Variants in TACC3 observed in about 807,000 individuals in gnomAD.
TACC3 encodes transforming acidic coiled-coil containing protein 3.
A neutral mutation model predicts 86.0 loss-of-function variants in TACC3; 52 were observed. That is an observed-to-expected ratio of 0.60 (90% CI 0.48 to 0.76). The LOEUF (loss-of-function observed/expected upper bound fraction) is 0.76. TACC3 is among the 30% of genes least tolerant of loss of function. The pLI is 0.00. For synonymous variants in TACC3, 512 were observed against 430.0 expected, an observed-to-expected ratio of 1.19 and a Z score of -2.36; for missense variants, 1,120 against 1,070.4, an observed-to-expected ratio of 1.05 and a Z score of -0.65.
chr4:1,730,356 A>G (rs1717941005), intron 4 of TACC3: 1 of 222,590 alleles, frequency 4.5e-6, no homozygotes, highest in Non-Finnish European at 9.3e-6. Context: ...TTATTATTGT[A>G]GAACAAAGAT....
rs184402182 is a variant in TACC3 at position 1,737,711 on chromosome 4, G to T, written c.1941+9G>T. The T allele has an allele frequency of 6.5e-7, 1 of 1,550,060 alleles. No individual in the cohort carries two copies. The highest frequency in any genetic ancestry group is 2.0e-5 in the Admixed American group (1 of 50,968). ...AGGACCTGGATGCAGTGGTAAGGAC[G>T]CAGGTAGTAGCTATTCCACAGAACC... On this transcript the variant is annotated intron_variant, in intron 10 of 15. Transcript: ENST00000313288.
intron 13 of TACC3, 173 bp from the exon 14 acceptor site, chr4:1,744,345 G>A (rs1054185703): frequency 1.6e-6 from 1 of 622,138 alleles, no homozygotes; most frequent in African/African-American, 1.8e-5. Context: ...ACCTCCAGAG[G>A]GGGTGAGCTG....
rs1188213648 is a variant in TACC3 at position 1,723,565 on chromosome 4, C to T, written c.144C>T (p.Asn48=). ...AGAAAGAAAATGTGCCACCCAAGAA[C>T]CTGGCCAAAGCTATGAAGGTAAGTG... is the stretch of plus-strand genomic sequence containing the variant. The part of the protein sequence containing the change: ...VSQKENVPPK[N]LAKAMKVTFQ... The change falls in exon 2 of 16, where the codon AAC becomes AAT. Residue 48 remains asparagine (N), a synonymous_variant. Transcript: ENST00000313288. The T allele has an allele frequency of 6.2e-7, 1 of 1,613,434 alleles. No homozygotes were observed. The highest frequency in any genetic ancestry group is 1.7e-5 in the Admixed American group (1 of 59,988).
chr4:1,737,131 G>C (rs766677331), intron 8 of TACC3, 110 bp from the exon 9 acceptor site: 4 of 841,940 alleles, frequency 4.8e-6, no homozygotes, highest in Non-Finnish European at 7.8e-6. Context: ...TGACTTGAGT[G>C]GTTTTAAACT....
At chr4:1,740,189 G>A in intron 12 of TACC3, 187 bp downstream of exon 12, 1 of 623,126 alleles carries the variant, frequency 1.6e-6, no homozygotes. Context: ...TGGTGGTAGT[G>A]AGGCTGGTGG....
chr4:1,740,096 C>A, intron 12 of TACC3, 94 bp downstream of exon 12: 3 of 1,253,392 alleles, frequency 2.4e-6, no homozygotes, highest in South Asian at 1.3e-5. Flanking sequence ...GGACCCCACC[C>A]TCCTGAGGCC....
rs747472770 is a variant in TACC3 at position 1,744,727 on chromosome 4, C to CGCCCAGGTCCGGAGCAAG, written c.2354_2371dup (p.Val785_Gln790dup). ...ACCCCTCCAGGGCAAACGAGGAGAT[C>CGCCCAGGTCCGGAGCAAG]GCCCAGGTCCGGAGCAAGGCCCAGG... On this transcript the variant is annotated inframe_insertion, in exon 15 of 16. Transcript: ENST00000313288. 1.9e-6 allele frequency: 3 copies of CGCCCAGGTCCGGAGCAAG among 1,612,592 alleles called. No homozygotes were observed. The highest frequency in any genetic ancestry group is 1.1e-5 in the South Asian group (1 of 91,062).
chr4:1,740,217 C>T (rs1003693515), intron 12 of TACC3: 217 of 600,264 alleles, frequency 3.6e-4, no homozygotes, highest in Non-Finnish European at 5.3e-4. Flanking sequence ...GGAGCCAGGG[C>T]TTGGCAGGCC....
In TACC3 at chr4:1,735,228, G is replaced by T; in HGVS notation, c.1592-45G>T. On this transcript the variant is annotated intron_variant, in intron 6 of 15. Coordinates refer to ENST00000313288, the MANE Select transcript of TACC3 (RefSeq NM_006342.3). This position sits in a 1 kb window ranked among gnomAD's most constrained non-coding sequence, Gnocchi z 4.2. The stretch of plus-strand genomic sequence containing the variant: ...GAGACACCAGCCCGCCGCCCTTAGG[G>T]CCCTGGTGAGGGGCGATGGCGGCGG... 1 of 1,613,040 alleles carries T rather than the reference G, an allele frequency of 6.2e-7. No individual in the cohort carries two copies. The highest frequency in any genetic ancestry group is 8.5e-7 in the Non-Finnish European group (1 of 1,179,594).
Position 1,723,336 on chromosome 4 carries a change from C to T in TACC3, c.-1-85C>T. Reference sequence around the variant, plus strand: ...CACACCTGTGTGGGAAGTGGTCGTGCCCCTTGCAGCAGCTGTCACGTCTGT... The same window carrying T: ...CACACCTGTGTGGGAAGTGGTCGTGTCCCTTGCAGCAGCTGTCACGTCTGT... On this transcript the variant is annotated intron_variant, in intron 1 of 15. Coordinates refer to ENST00000313288, the MANE Select transcript of TACC3 (RefSeq NM_006342.3). 3 of 1,422,076 alleles carry T rather than the reference C, an allele frequency of 2.1e-6. 1 individual carries two copies. Among genetic ancestry groups the T allele is most frequent in the South Asian group, 2.6e-5 (2 of 77,588 alleles). The allele number at this position is 1,422,076 out of a possible 1,614,324, so 88.1% of individuals were successfully genotyped here. A position where few individuals can be genotyped will look rare whatever the true frequency, so the allele number is the denominator to read the frequency against.
At chr4:1,743,002 G>T (rs1718667673) in intron 13 of TACC3, among the ~76,000 whole-genome samples, 2 of 152,134 alleles carry the variant, frequency 1.3e-5, no homozygotes, top group African/African-American at 4.8e-5. Context: ...GCCGGCTTAT[G>T]CCTGTAATCC....
rs1577228965 is a variant in TACC3, at chr4:1,744,592, C to G, written c.2298C>G (p.Ala766=). 6.2e-7 allele frequency: 1 copy of G among 1,613,232 alleles called. No homozygotes were observed. Among genetic ancestry groups the G allele is most frequent in the Non-Finnish European group, 8.5e-7 (1 of 1,179,996 alleles). The part of the protein sequence containing the change: ...RITQEGQRYQ[A]LKAHAEEKLQ... Reference sequence around the variant, plus strand: ...CCCAGGAGGGCCAGAGGTACCAAGCCCTGAAGGCCCACGCGGAGGAGAAGC... The same window carrying G: ...CCCAGGAGGGCCAGAGGTACCAAGCGCTGAAGGCCCACGCGGAGGAGAAGC... The change falls in exon 14 of 16, where the codon GCC becomes GCG. Residue 766 remains alanine, a synonymous_variant. Transcript: ENST00000313288.
At chr4:1,732,968 G>A (rs1393304143) in intron 6 of TACC3, among the ~76,000 whole-genome samples, 2 of 152,128 alleles carry the variant, frequency 1.3e-5, no homozygotes, top group Non-Finnish European at 2.9e-5. Context: ...GAGTGGAGTC[G>A]CTGGTCACAG....
chr4:1,727,911 C>T lies in TACC3; in HGVS notation c.509C>T (p.Ser170Phe), dbSNP rs764747004. Reference sequence around the variant, plus strand: ...GGAAGTTCTGAGAACCAAATGGTGTCTCCAGGAAAAGTGTCTGGCAGCCCT... The same window carrying T: ...GGAAGTTCTGAGAACCAAATGGTGTTTCCAGGAAAAGTGTCTGGCAGCCCT... Reference protein sequence around the residue: ...SPGSSENQMVSPGKVSGSPEQ... With the variant: ...SPGSSENQMVFPGKVSGSPEQ... Residue 170 changes from serine (S) to phenylalanine (F), a missense_variant, in exon 4 of 16, where the codon TCT (serine) becomes TTT (phenylalanine). By Grantham distance (155) the Ser-to-Phe change is radical (BLOSUM62 -2). Coordinates refer to ENST00000313288, the MANE Select transcript of TACC3 (RefSeq NM_006342.3). 4 of 1,613,848 alleles carry T rather than the reference C, an allele frequency of 2.5e-6. No homozygotes were observed. The Admixed American group carries it at 6.7e-5, about 27-fold the overall frequency.
intron 10 of TACC3, chr4:1,738,097 C>T: frequency 8.4e-6 from 3 of 356,184 alleles, no homozygotes; most frequent in South Asian, 6.2e-5. Flanking sequence ...TTCACCCACC[C>T]CACATCTGAG....
In TACC3 at chr4:1,737,158, G is replaced by A. The variant is rs574489891; in HGVS notation, c.1749-83G>A. ...TTTTAAACTAAAAAGCAAAGAGCCC[G>A]GTTAGCTTGTCCACATGGTCCTCTG... On this transcript the variant is annotated intron_variant, in intron 8 of 15. Transcript: ENST00000313288. 111 of 1,168,886 alleles carry A rather than the reference G, an allele frequency of 9.5e-5. 2 individuals are homozygous for A. In the Admixed American group the frequency reaches 1.1e-3, roughly 12 times the overall value. 72.4% of individuals were successfully genotyped at this position (1,168,886 alleles called of 1,614,324 possible).
chr4:1,738,432 G>A lies in TACC3; in HGVS notation c.1941+730G>A, dbSNP rs147479247. The stretch of plus-strand genomic sequence containing the variant: ...AACCTCCTTCCCTGTGTCAGAGCCC[G>A]TGTGAGTAACCCAATAGCAGGCCTG... On this transcript the variant is annotated intron_variant, in intron 10 of 15. Coordinates refer to ENST00000313288, the MANE Select transcript of TACC3 (RefSeq NM_006342.3). 4.4e-3 allele frequency: 686 copies of A among 156,972 alleles called. 4 individuals are homozygous for A. Among genetic ancestry groups the A allele is most frequent in the African/African-American group, 0.016 (659 of 41,610 alleles). The allele number at this position is 156,972 out of a possible 1,614,324, so 9.7% of individuals were successfully genotyped here. A position where few individuals can be genotyped will look rare whatever the true frequency, so the allele number is the denominator to read the frequency against.
chr4:1,735,887 G>A lies in TACC3; in HGVS notation c.1748+53G>A, dbSNP rs1577218544. On this transcript the variant is annotated intron_variant, in intron 8 of 15. Coordinates refer to ENST00000313288, the MANE Select transcript of TACC3 (RefSeq NM_006342.3). The surrounding 1 kb of genome is among the most constrained non-coding windows in gnomAD (Gnocchi z 4.2). ...TGAAGCCTTGAGTGTGGGAAGACTG[G>A]AGGCTGTTCCTAGGTGTGCTGTCTG... 2.3e-6 allele frequency: 3 copies of A among 1,307,684 alleles called. No individual in the cohort carries two copies. The East Asian group carries it at 7.0e-5, about 31-fold the overall frequency. The allele number at this position is 1,307,684 out of a possible 1,614,324, so 81.0% of individuals were successfully genotyped here.
rs112569194 is a variant in TACC3, at chr4:1,735,931, G to T, written c.1748+97G>T. ...CTGTCTGCACAGAGGCTTCTAGACC[G>T]GGGGGAGATGATCAGAACTGGAAAG... is the stretch of plus-strand genomic sequence containing the variant. On this transcript the variant is annotated intron_variant, in intron 8 of 15. Coordinates refer to ENST00000313288, the MANE Select transcript of TACC3 (RefSeq NM_006342.3). This position sits in a 1 kb window ranked among gnomAD's most constrained non-coding sequence, Gnocchi z 4.2. 3 of 855,736 alleles carry T rather than the reference G, an allele frequency of 3.5e-6. No individual in the cohort carries two copies. Among genetic ancestry groups the T allele is most frequent in the African/African-American group, 1.7e-5 (1 of 59,370 alleles). The allele number at this position is 855,736 out of a possible 1,614,324, so 53.0% of individuals were successfully genotyped here. A position where few individuals can be genotyped will look rare whatever the true frequency, so the allele number is the denominator to read the frequency against.
Sources: allele counts gnomAD v4.1 joint callset (sites outside exome capture counted in the v4.1 genomes callset), GRCh38; gene constraint gnomAD v4.1.1; non-coding constraint Gnocchi (gnomAD v3.1); transcripts MANE v1.5; gene names NCBI Gene and HGNC (gene_info 2026-07-23, HGNC 2026-07-21).